The following POLG variants were observed in gnomAD, a reference collection of about 807,000 sequenced individuals.
POLG encodes DNA polymerase gamma, catalytic subunit, also known as DNA polymerase subunit gamma-1.
POLG carries 110 observed loss-of-function variants against 155.4 expected under a neutral mutation model. That is an observed-to-expected ratio of 0.71 (90% CI 0.61 to 0.83). POLG has a LOEUF of 0.83. Among genes scored for constraint, POLG ranks in the 40% least tolerant of loss-of-function variants. The probability of loss-of-function intolerance (pLI) is 0.00; values close to 1 mark genes in which losing one functional copy is unlikely to be tolerated. For missense variants in POLG, 1,685 were observed against 1,627.5 expected, an observed-to-expected ratio of 1.04 and a Z score of -0.61; for synonymous variants, 701 against 631.5, an observed-to-expected ratio of 1.11 and a Z score of -1.65.
rs746027076 is a variant in POLG at position 89,324,161 on chromosome 15, C to G, written c.2016G>C (p.Glu672Asp). The change falls in exon 11 of 23, where the codon GAG (glutamate) becomes GAC (aspartate). Residue 672 changes from glutamate (E) to aspartate (D), a missense_variant. Glu to Asp is a conservative substitution (Grantham distance 45). Transcript: ENST00000268124. ...GCAGGAACTCCTCCGCCAGGCCGGC[C>G]TCCTGGGGCATCAGCTGCTGCTTCC... ...EQGKQQLMPQ[E>D]AGLAEEFLLT... The G allele has an allele frequency of 6.2e-7, 1 of 1,614,004 alleles. No homozygotes were observed. Among genetic ancestry groups the G allele is most frequent in the Non-Finnish European group, 8.5e-7 (1 of 1,180,000 alleles).
intron 2 of POLG, 25 bp from the exon 3 acceptor site, chr15:89,330,301 G>T: frequency 1.3e-6 from 2 of 1,583,222 alleles, no homozygotes; most frequent in Non-Finnish European, 1.7e-6. Context: ...AGGCAGGCAG[G>T]TTCACCATGG....
In POLG at chr15:89,325,179, A is replaced by T. The variant is rs201411085; in HGVS notation, c.1949+271T>A. Among the ~76,000 whole-genome samples the T allele has an allele frequency of 5.2e-3, 307 of 59,330 alleles. 23 individuals carry two copies. Among genetic ancestry groups the T allele is most frequent in the African/African-American group, 0.027 (165 of 6,150 alleles). 38.9% of individuals were successfully genotyped at this position (59,330 alleles called of 152,430 possible). A position where few individuals can be genotyped will look rare whatever the true frequency, so the allele number is the denominator to read the frequency against. On this transcript the variant is annotated intron_variant, in intron 10 of 22. Coordinates refer to ENST00000268124, the MANE Select transcript of POLG (RefSeq NM_002693.3). The stretch of plus-strand genomic sequence containing the variant: ...GTGAGTGAGTGAGTGAGAGAGTGAG[A>T]GAGTGAGTGAGTGAGAGAGTGAGTG...
rs746626791 is a variant in POLG at position 89,323,465 on chromosome 15, C to A, written c.2204G>T (p.Gly735Val). The A allele has an allele frequency of 1.2e-6, 2 of 1,614,040 alleles. No individual in the cohort carries two copies. The highest frequency in any genetic ancestry group is 2.2e-5 in the South Asian group (2 of 91,082). The change falls in exon 13 of 23, where the codon GGC (glycine) becomes GTC (valine). Residue 735 changes from glycine (G) to valine (V), a missense_variant. Transcript: ENST00000268124. Reference protein sequence around the residue: ...PKDTQPSYHHGNGPYNDVDIP... With the variant: ...PKDTQPSYHHVNGPYNDVDIP... The stretch of plus-strand genomic sequence containing the variant: ...GTCCACGTCGTTGTAAGGTCCATTG[C>A]CATGGTGATAGCTGGGCTGGGTGTC...
intron 14 of POLG, 112 bp from the exon 15 acceptor site, chr15:89,322,127 C>G: frequency 9.9e-7 from 1 of 1,010,088 alleles, no homozygotes; most frequent in Non-Finnish European, 1.6e-6. Flanking sequence ...CTCCATTACC[C>G]AGCCTCACTA....
rs1485410199 is a variant in POLG at position 89,320,791 on chromosome 15, A to C, written c.2956T>G (p.Tyr986Asp). ...QEAAEKAQQM[Y>D]AATKGLRWYR... ...CAGCGGAGGCCCTTGGTGGCAGCGT[A>C]CATCTGCTGGGCCTTCTCAGCTGCC... The change falls in exon 18 of 23, where the codon TAC becomes GAC. Residue 986 changes from tyrosine (Y) to aspartate (D), a missense_variant. Around this residue, in one of 3 missense-constraint regions of POLG, gnomAD observed 470 missense variants for 439.9 expected, o/e 1.07. Coordinates refer to ENST00000268124, the MANE Select transcript of POLG (RefSeq NM_002693.3). 1 of 1,613,584 alleles carries C rather than the reference A, an allele frequency of 6.2e-7. No individual in the cohort carries two copies. The highest frequency in any genetic ancestry group is 1.3e-5 in the African/African-American group (1 of 74,930).
At chr15:89,322,669 C>T (rs1596353547) in intron 14 of POLG, 73 bp downstream of exon 14, 2 of 1,528,976 alleles carry the variant, frequency 1.3e-6, no homozygotes, top group East Asian at 4.5e-5. Context: ...TGTGGGAATC[C>T]AGGGTTAGTC....
chr15:89,325,237 AGTGAGTG>A (rs2055491111), intron 10 of POLG, among the ~76,000 whole-genome samples: 4 of 106,014 alleles, frequency 3.8e-5, no homozygotes, highest in African/African-American at 1.8e-4. Context: ...TGAGTGAGAG[AGTGAGTG>A]AGTGAGAGAG....
rs1021586995 is a variant in POLG, at chr15:89,325,403, G to C, written c.1949+47C>G. 3.0e-6 allele frequency: 4 copies of C among 1,342,816 alleles called. No homozygotes were observed. The African/African-American group carries it at 5.7e-5, about 19-fold the overall frequency. 83.2% of individuals were successfully genotyped at this position (1,342,816 alleles called of 1,614,324 possible). On this transcript the variant is annotated intron_variant, in intron 10 of 22. Transcript: ENST00000268124. ...AGCCTGAGCTGACCAGCCAGGGGAA[G>C]GGGTCCCTAGGCTCCAGCCCCTTCC...
intron 18 of POLG, 189 bp from the exon 19 acceptor site, chr15:89,319,539 T>A: frequency 1.3e-6 from 1 of 741,576 alleles, no homozygotes; most frequent in Non-Finnish European, 2.2e-6. Context: ...ATCATGGAGC[T>A]AGAAAGAGAT....
chr15:89,330,110 C>T lies in POLG; in HGVS notation c.826G>A (p.Ala276Thr), dbSNP rs778531134. 1 of 1,614,150 alleles carries T rather than the reference C, an allele frequency of 6.2e-7. No homozygotes were observed. The highest frequency in any genetic ancestry group is 1.1e-5 in the South Asian group (1 of 91,076). Residue 276 changes from alanine (A) to threonine (T), a missense_variant, in exon 3 of 23, where the codon GCT (alanine) becomes ACT (threonine). Around this residue, in one of 3 missense-constraint regions of POLG, gnomAD observed 1,210 missense variants for 1,167.1 expected, o/e 1.04. Coordinates refer to ENST00000268124, the MANE Select transcript of POLG (RefSeq NM_002693.3). ...ATCAGGTACTGCTCCCTGATATGAG[C>T]TCGGTCAAAGGAAACATTGTGCCCC... The part of the protein sequence containing the change: ...VVGHNVSFDR[A>T]HIREQYLIQG...
intron 16 of POLG, among the ~76,000 whole-genome samples, 158 bp from the exon 17 acceptor site, chr15:89,321,418 C>T (rs565320999): frequency 6.6e-6 from 1 of 152,324 alleles, no homozygotes; most frequent in Non-Finnish European, 1.5e-5. Flanking sequence ...GGCCACCTAT[C>T]AGCAATTGGT....
At chr15:89,323,613 A>G (rs1335338258) in intron 12 of POLG, 102 bp from the exon 13 acceptor site, 6 of 857,838 alleles carry the variant, frequency 7.0e-6, no homozygotes, top group Non-Finnish European at 1.2e-5. Flanking sequence ...TGTCGTCATC[A>G]GCTGGGAAAT....
intron 2 of POLG, among the ~76,000 whole-genome samples, chr15:89,331,486 G>T (rs1567193300): frequency 6.6e-6 from 1 of 152,196 alleles, no homozygotes; most frequent in African/African-American, 2.4e-5. Context: ...TGATTAAAAA[G>T]AAACAAGCCA....
chr15:89,325,253 A>AGTGAGT (rs2055493443), intron 10 of POLG, among the ~76,000 whole-genome samples, 197 bp downstream of exon 10: 1 of 87,216 alleles, frequency 1.1e-5, no homozygotes, highest in African/African-American at 8.5e-5. Context: ...TGAGTGAGAG[A>AGTGAGT]GAGAGTGAGT....
intron 21 of POLG, chr15:89,317,862 T>C (rs1417980176): frequency 2.6e-6 from 1 of 392,042 alleles, no homozygotes; most frequent in African/African-American, 2.1e-5. Context: ...TTAGCTTTGT[T>C]AAGCATAACC....
chr15:89,318,828 G>T, intron 20 of POLG, 79 bp from the exon 21 acceptor site: 1 of 1,561,484 alleles, frequency 6.4e-7, no homozygotes, highest in Non-Finnish European at 8.8e-7. Context: ...CCCAAGAGAA[G>T]CTTCACTCTG....
rs753864625 is a variant in POLG, at chr15:89,317,514, C to T, written c.3505G>A (p.Gly1169Ser). Residue 1169 changes from glycine (G) to serine (S), a missense_variant, in exon 22 of 23, where the codon GGT becomes AGT. Physicochemically the swap from Gly to Ser is moderately conservative, Grantham distance 56 (BLOSUM62 0). Coordinates refer to ENST00000268124, the MANE Select transcript of POLG (RefSeq NM_002693.3). ...LTRCMFAYKL[G>S]LNDLPQSVAF... ...ACTGACTGGGGCAAGTCATTCAGAC[C>T]CAGCTTGTAGGCAAACATGCACCTG... is the stretch of plus-strand genomic sequence containing the variant. 23 of 1,613,988 alleles carry T rather than the reference C, an allele frequency of 1.4e-5. No homozygotes were observed. Among genetic ancestry groups the T allele is most frequent in the Non-Finnish European group, 1.7e-5 (20 of 1,180,030 alleles).
Position 89,329,106 on chromosome 15 carries a change from G to C in POLG, c.860C>G (p.Ser287Cys). ...CATGGTGTCCAGGAAACGCATGCGG[G>C]AACCCTGAGGAGGAGGAGGAGAAAA... ...HIREQYLIQG[S>C]RMRFLDTMSM... Residue 287 changes from serine (S) to cysteine (C), a missense_variant, in exon 4 of 23, where the codon TCC becomes TGC. Transcript: ENST00000268124. The C allele has an allele frequency of 1.2e-6, 2 of 1,611,384 alleles. No homozygotes were observed. The highest frequency in any genetic ancestry group is 2.2e-5 in the South Asian group (2 of 90,948).
At chr15:89,319,197 C>G in intron 19 of POLG, 31 bp downstream of exon 19, 1 of 1,614,176 alleles carries the variant, frequency 6.2e-7, no homozygotes, top group Non-Finnish European at 8.5e-7. Context: ...CAGACCCCTC[C>G]CTCCATCCTT....
Sources: gnomAD v4.1 joint callset for allele counts (sites outside exome capture counted in the v4.1 genomes callset) on GRCh38, gnomAD v4.1.1 for gene constraint, gnomAD v4.1.1 regional missense constraint, MANE v1.5 for transcripts, NCBI Gene and HGNC (gene_info 2026-07-23, HGNC 2026-07-21) for gene names.